Variants in AKR1E2 observed in about 807,000 individuals in gnomAD.
AKR1E2 encodes 1,5-anhydro-D-fructose reductase.
A neutral mutation model predicts 41.9 loss-of-function variants in AKR1E2; 43 were observed. That is an observed-to-expected ratio of 1.03 (90% confidence interval 0.80 to 1.32). AKR1E2 has a LOEUF of 1.32. AKR1E2 is among the 40% of genes most tolerant of loss of function. AKR1E2 has a pLI of 0.00. For missense variants in AKR1E2, 423 were observed against 396.5 expected (o/e 1.07, Z -0.57); for synonymous variants, 121 against 138.9 (o/e 0.87, Z 0.91).
At chr10:4,834,438 C>T (rs1225446191) in intron 3 of AKR1E2, among the ~76,000 whole-genome samples, 1 of 152,238 alleles carries the variant, frequency 6.6e-6, no homozygotes, top group East Asian at 1.9e-4. Context: ...AGAGTGATGT[C>T]TGTGCCTTGA....
the AKR1E2 span, among the ~76,000 whole-genome samples, chr10:4,859,068 C>T: frequency 2.6e-5 from 4 of 151,996 alleles, no homozygotes; most frequent in Admixed American, 6.5e-5. Context: ...AGGTGACATC[C>T]GCCTCAGCCT....
the AKR1E2 span, among the ~76,000 whole-genome samples, chr10:4,863,994 A>T: frequency 6.6e-6 from 1 of 152,232 alleles, no homozygotes. Flanking sequence ...AAAAAAGCCC[A>T]GGACCAGACG....
intron 5 of AKR1E2, 80 bp downstream of exon 5, chr10:4,837,661 A>G: frequency 3.9e-6 from 6 of 1,554,936 alleles, no homozygotes; most frequent in Non-Finnish European, 4.4e-6. Flanking sequence ...TCTTCTGGAA[A>G]TGGAAGAATG....
chr10:4,831,272 A>G (rs1261627166), intron 2 of AKR1E2, among the ~76,000 whole-genome samples: 2 of 152,238 alleles, frequency 1.3e-5, no homozygotes, highest in African/African-American at 4.8e-5. Context: ...GAGCACAGGC[A>G]TAAGGCAGGA....
upstream of AKR1E2, among the ~76,000 whole-genome samples, chr10:4,825,641 C>G (rs1037017256): frequency 6.6e-6 from 1 of 152,208 alleles, no homozygotes; most frequent in African/African-American, 2.4e-5. Context: ...GGCTCCCTGA[C>G]GGGGAACCAA....
intron 8 of AKR1E2, among the ~76,000 whole-genome samples, chr10:4,844,171 G>A (rs112520159): frequency 0.017 from 2,574 of 152,232 alleles, 55 homozygotes; most frequent in African/African-American, 0.058. Context: ...GGATGTGTTC[G>A]GAGTTTCTTC....
chr10:4,845,646 G>C (rs1306883165), intron 8 of AKR1E2: 4 of 447,494 alleles, frequency 8.9e-6, no homozygotes, highest in Non-Finnish European at 1.9e-5. Context: ...GCAGGTGGCA[G>C]GGGGCCACAT....
the AKR1E2 span, among the ~76,000 whole-genome samples, chr10:4,860,538 C>T: frequency 6.6e-6 from 1 of 152,124 alleles, no homozygotes; most frequent in Non-Finnish European, 1.5e-5. Flanking sequence ...TTTTTGATTG[C>T]ACCTCTATCA....
upstream of AKR1E2, chr10:4,825,139 G>C: frequency 2.7e-6 from 1 of 375,708 alleles, no homozygotes; most frequent in Non-Finnish European, 5.6e-6. Context: ...GATGCTCACA[G>C]GAGATGCAAG....
the AKR1E2 span, among the ~76,000 whole-genome samples, chr10:4,857,753 T>C: frequency 6.6e-6 from 1 of 152,196 alleles, no homozygotes. Context: ...TATGGATTTG[T>C]TCATTTTATC....
intron 3 of AKR1E2, among the ~76,000 whole-genome samples, chr10:4,834,599 A>T (rs1833252575): frequency 6.6e-6 from 1 of 152,208 alleles, no homozygotes; most frequent in Admixed American, 6.5e-5. Flanking sequence ...AGTTCTACAA[A>T]GTTGACACTA....
intron 2 of AKR1E2, 88 bp from the exon 3 acceptor site, chr10:4,833,262 T>G (rs762308885): frequency 2.8e-6 from 3 of 1,063,776 alleles, no homozygotes; most frequent in Middle Eastern, 2.2e-4. Flanking sequence ...TATTTTGGGT[T>G]CAAGACAGTA....
At chr10:4,860,471 A>G in the AKR1E2 span, among the ~76,000 whole-genome samples, 1 of 152,200 alleles carries the variant, frequency 6.6e-6, no homozygotes, top group Non-Finnish European at 1.5e-5. Flanking sequence ...ATGACCAAGG[A>G]CAGCATTGTT....
chr10:4,827,354 A>G (rs1216778925), intron 1 of AKR1E2, among the ~76,000 whole-genome samples: 2 of 141,778 alleles, frequency 1.4e-5, no homozygotes, highest in Non-Finnish European at 3.3e-5. Context: ...TGAAATACAC[A>G]TGTGTAGTAA....
chr10:4,843,321 A>T (rs1007027031), intron 8 of AKR1E2, among the ~76,000 whole-genome samples: 19 of 152,264 alleles, frequency 1.2e-4, no homozygotes, highest in Admixed American at 9.1e-4. Flanking sequence ...CAGTGAAGGG[A>T]TAGCATAGTG....
chr10:4,845,279 A>G (rs111738189), intron 8 of AKR1E2, among the ~76,000 whole-genome samples: 5,301 of 152,200 alleles, frequency 0.035, 149 homozygotes, highest in East Asian at 0.11. Flanking sequence ...CGCAGCCCCG[A>G]TTCCCACCGG....
At chr10:4,868,699 T>C in the AKR1E2 span, among the ~76,000 whole-genome samples, 3 of 152,250 alleles carry the variant, frequency 2.0e-5, no homozygotes, top group African/African-American at 2.4e-5. Flanking sequence ...TTATCAAGTT[T>C]AGAAAGTTAT....
the AKR1E2 span, among the ~76,000 whole-genome samples, chr10:4,869,531 C>T: frequency 3.3e-5 from 5 of 151,752 alleles, no homozygotes; most frequent in African/African-American, 4.8e-5. Context: ...ATTTCAGCTC[C>T]TCTATTTATT....
Position 4,847,633 on chromosome 10 carries a change from G to C in AKR1E2, c.*103G>C. The C allele has an allele frequency of 7.4e-7, 1 of 1,352,222 alleles. No individual in the cohort carries two copies. The highest frequency in any genetic ancestry group is 1.0e-6 in the Non-Finnish European group (1 of 959,804). The allele number at this position is 1,352,222 out of a possible 1,614,324, so 83.8% of individuals were successfully genotyped here. ...ACAGCGCCAGGGCAGCTGTGCCTGGGACAGGAGCCACACAGTCAGAGGGGG... is the reference window on the plus strand; with the variant it reads ...ACAGCGCCAGGGCAGCTGTGCCTGGCACAGGAGCCACACAGTCAGAGGGGG... On this transcript the variant is annotated 3_prime_UTR_variant, in exon 10 of 10. Transcript: ENST00000298375.
Sources: allele counts gnomAD v4.1 joint callset (sites outside exome capture counted in the v4.1 genomes callset), GRCh38; gene constraint gnomAD v4.1.1; transcripts MANE v1.5; gene names NCBI Gene and HGNC (gene_info 2026-07-23, HGNC 2026-07-21).